Variants in GRIP1 observed in about 807,000 individuals in gnomAD.
GRIP1 encodes glutamate receptor interacting protein 1, also known as glutamate receptor-interacting protein 1.
In GRIP1, 45 loss-of-function variants were observed where a neutral mutation model predicts 129.9. That is an observed-to-expected ratio of 0.35 (90% CI 0.27 to 0.44). The LOEUF is 0.44. GRIP1 is among the 20% of genes least tolerant of loss of function. The probability of loss-of-function intolerance (pLI) is 1.00; values close to 1 mark genes in which losing one functional copy is unlikely to be tolerated. For synonymous variants in GRIP1, 530 were observed against 520.8 expected (o/e 1.02, Z -0.24); for missense variants, 1,196 against 1,396.8 (o/e 0.86, Z 2.29).
Position 66,697,094 on chromosome 12 carries a change from T to C in GRIP1, c.-419-66758A>G, listed in dbSNP as rs190454775. On this transcript the variant is annotated intron_variant, in intron 1 of 4. Transcript: ENST00000538373. Reference sequence around the variant, plus strand: ...ATATAGCAGGTGCTTTATAAACATTTGGTAGTGAATGAATGAAGGAACAAG... The same window carrying C: ...ATATAGCAGGTGCTTTATAAACATTCGGTAGTGAATGAATGAAGGAACAAG... Among the ~76,000 whole-genome samples the C allele has an allele frequency of 9.8e-4, 149 of 152,190 alleles. 2 individuals carry two copies. The East Asian group carries it at 0.021, about 22-fold the overall frequency.
chr12:66,992,219 C>T (rs549539509), intron 1 of GRIP1, among the ~76,000 whole-genome samples: 14 of 152,238 alleles, frequency 9.2e-5, no homozygotes, highest in African/African-American at 3.4e-4. Flanking sequence ...GTGAATTTAT[C>T]CTCCATGTGC....
At chr12:66,398,029 C>T (rs2056858649) in intron 16 of GRIP1, among the ~76,000 whole-genome samples, 1 of 152,156 alleles carries the variant, frequency 6.6e-6, no homozygotes, top group Non-Finnish European at 1.5e-5. Context: ...TATGGCCCGT[C>T]TGCCCACAAG....
intron 1 of GRIP1, among the ~76,000 whole-genome samples, chr12:66,944,229 G>A (rs1447034593): frequency 1.3e-5 from 2 of 152,072 alleles, no homozygotes; most frequent in Non-Finnish European, 2.9e-5. Context: ...AAAGGGACTC[G>A]ATAATCTCAA....
intron 13 of GRIP1, among the ~76,000 whole-genome samples, chr12:66,440,336 A>G (rs1441488250): frequency 6.6e-6 from 1 of 152,110 alleles, no homozygotes; most frequent in Non-Finnish European, 1.5e-5. Context: ...TCTTCTGGCT[A>G]TTTTTAAATG....
intron 7 of GRIP1, among the ~76,000 whole-genome samples, chr12:66,514,555 A>T (rs892138619): frequency 6.6e-6 from 1 of 152,122 alleles, no homozygotes; most frequent in African/African-American, 2.4e-5. Flanking sequence ...GGAAGGAAGG[A>T]TGGAGAGAAG....
chr12:66,675,995 T>C (rs1289551002), intron 1 of GRIP1, among the ~76,000 whole-genome samples: 1 of 152,200 alleles, frequency 6.6e-6, no homozygotes, highest in Non-Finnish European at 1.5e-5. Context: ...ACCTGAAATA[T>C]ATTCTACTAT....
At chr12:66,816,821 A>T (rs575186919) in intron 1 of GRIP1, among the ~76,000 whole-genome samples, 2 of 152,306 alleles carry the variant, frequency 1.3e-5, no homozygotes, top group South Asian at 2.1e-4. Flanking sequence ...TTTGAAAAAA[A>T]CAAAACTAGA....
chr12:66,595,826 G>A (rs2064028103), intron 2 of GRIP1, among the ~76,000 whole-genome samples: 2 of 152,136 alleles, frequency 1.3e-5, no homozygotes, highest in African/African-American at 2.4e-5. Context: ...TGGAATAAGA[G>A]TGAAAATAAC....
chr12:66,734,192 G>C (rs1344265248), intron 1 of GRIP1, among the ~76,000 whole-genome samples: 2 of 152,154 alleles, frequency 1.3e-5, no homozygotes, highest in African/African-American at 4.8e-5. Flanking sequence ...TTAAGGTTGT[G>C]TCAGCAATTA....
At chr12:66,441,948 T>C (rs538221170) in intron 13 of GRIP1, among the ~76,000 whole-genome samples, 11 of 152,200 alleles carry the variant, frequency 7.2e-5, no homozygotes, top group Non-Finnish European at 1.6e-4. Context: ...TTAGCTCTGC[T>C]TCGAGCCATG....
At chr12:66,836,788 C>T (rs1426716307) in intron 1 of GRIP1, among the ~76,000 whole-genome samples, 1 of 152,114 alleles carries the variant, frequency 6.6e-6, no homozygotes, top group Non-Finnish European at 1.5e-5. Flanking sequence ...CATTAATAGG[C>T]CTCATTTACA....
intron 4 of GRIP1, among the ~76,000 whole-genome samples, chr12:66,535,089 C>T (rs1420658709): frequency 6.6e-6 from 1 of 152,158 alleles, no homozygotes; most frequent in African/African-American, 2.4e-5. Flanking sequence ...TATTCCTCTT[C>T]CCACCTGGCT....
At chr12:66,959,314 CA>C (rs2041889081) in intron 1 of GRIP1, among the ~76,000 whole-genome samples, 1 of 152,146 alleles carries the variant, frequency 6.6e-6, no homozygotes, top group African/African-American at 2.4e-5. Flanking sequence ...GCTTAAGCCA[CA>C]TTTACATTTT....
intron 1 of GRIP1, among the ~76,000 whole-genome samples, chr12:66,794,660 C>G (rs1392950636): frequency 6.6e-6 from 1 of 152,154 alleles, no homozygotes; most frequent in Non-Finnish European, 1.5e-5. Context: ...TAAACAATTA[C>G]TGAGCAAATT....
chr12:66,394,555 A>G (rs551956788), intron 16 of GRIP1, among the ~76,000 whole-genome samples: 3 of 152,226 alleles, frequency 2.0e-5, no homozygotes, highest in Admixed American at 6.5e-5. Context: ...GCCAGGGGAG[A>G]GGAACACTGC....
intron 1 of GRIP1, among the ~76,000 whole-genome samples, chr12:66,608,307 C>CAA (rs566629137): frequency 5.5e-4 from 83 of 152,238 alleles, no homozygotes; most frequent in Middle Eastern, 3.4e-3. Flanking sequence ...CAAAACCTCA[C>CAA]AAAAGTGTTA....
In GRIP1 at chr12:66,529,903, A is replaced by G. The variant is rs865908166; in HGVS notation, c.430T>C (p.Ser144Pro). 3 of 1,579,996 alleles carry G rather than the reference A, an allele frequency of 1.9e-6. No homozygotes were observed. Among genetic ancestry groups the G allele is most frequent in the Non-Finnish European group, 2.6e-6 (3 of 1,148,782 alleles). ...TCCACTGTTCGGAAAATAACACTTG[A>G]TCCTTGCACAGCTGAATAAAGGAAA... ...YELPPVSVQG[S>P]SVIFRTVEVT... is the part of the protein sequence containing the mutation. Residue 144 changes from serine to proline, a missense_variant, in exon 5 of 25, where the codon TCA (serine) becomes CCA (proline). This residue lies in a region of GRIP1 where 217 missense variants were observed against 224.8 expected (regional missense o/e 0.97). Coordinates refer to ENST00000359742, the MANE Select transcript of GRIP1 (RefSeq NM_001366722.1).
chr12:66,666,764 C>G (rs1286779998), intron 1 of GRIP1, among the ~76,000 whole-genome samples: 1 of 151,922 alleles, frequency 6.6e-6, no homozygotes, highest in Non-Finnish European at 1.5e-5. Context: ...TTTCTAAGAG[C>G]ATGTGTTGGA....
chr12:66,612,277 T>C (rs1177091930), intron 1 of GRIP1, among the ~76,000 whole-genome samples: 1 of 152,150 alleles, frequency 6.6e-6, no homozygotes, highest in East Asian at 1.9e-4. Flanking sequence ...AGGCTATATA[T>C]TACAGCCTAT....
Sources: gnomAD v4.1 joint callset for allele counts (sites outside exome capture counted in the v4.1 genomes callset) on GRCh38, gnomAD v4.1.1 for gene constraint, gnomAD v4.1.1 regional missense constraint, MANE v1.5 for transcripts, NCBI Gene and HGNC (gene_info 2026-07-23, HGNC 2026-07-21) for gene names.